The following CDH8 variants were observed in gnomAD, a reference collection of about 807,000 sequenced individuals.
CDH8 encodes the protein cadherin 8.
A neutral mutation model predicts 68.1 loss-of-function variants in CDH8; 17 were observed. The observed-to-expected ratio is 0.25, with a 90% CI of 0.17 to 0.37. CDH8 has a LOEUF of 0.37. CDH8 is among the 10% of genes least tolerant of loss of function. The pLI is 1.00. For missense variants in CDH8, 763 were observed against 999.3 expected (o/e 0.76, Z 3.19); for synonymous variants, 372 against 365.1 (o/e 1.02, Z -0.21).
At position 61,965,425 on chromosome 16, in the gene CDH8, G is replaced by C. The variant is rs151317380; in HGVS notation, c.252+55727C>G. 1.5e-3 allele frequency among the ~76,000 whole-genome samples: 224 copies of C among 152,278 alleles called. 2 individuals are homozygous for C. Among genetic ancestry groups the C allele is most frequent in the African/African-American group, 5.2e-3 (218 of 41,562 alleles). ...CCAACACAGGGCCAGGCGTGGGGCA[G>C]TTATTTCACACATGTTTACTAAATA... On this transcript the variant is annotated intron_variant, in intron 2 of 11. Coordinates refer to ENST00000577390, the MANE Select transcript of CDH8 (RefSeq NM_001796.5).
intron 10 of CDH8, chr16:61,693,573 A>G (rs1472750858): frequency 1.3e-5 from 2 of 152,284 alleles, no homozygotes; most frequent in Non-Finnish European, 2.9e-5. Context: ...TCATAGAGGT[A>G]TTGCATAGTG....
At chr16:61,654,993 T>A (rs567222197) in intron 11 of CDH8, among the ~76,000 whole-genome samples, 3 of 152,338 alleles carry the variant, frequency 2.0e-5, no homozygotes, top group East Asian at 3.9e-4. Context: ...AGAAATGCAA[T>A]GGTATTTTGA....
In CDH8 at chr16:61,713,971, A is replaced by T; in HGVS notation, c.1537-13T>A. ...CAGTTTGAATGACCTGAAACATAAA[A>T]CTTGACGTCAGCATTTCTGATGATT... On this transcript the variant is annotated splice_polypyrimidine_tract_variant and intron_variant, in intron 9 of 11. Coordinates refer to ENST00000577390, the MANE Select transcript of CDH8 (RefSeq NM_001796.5). 1 of 1,461,766 alleles carries T rather than the reference A, an allele frequency of 6.8e-7. No individual in the cohort carries two copies. Among genetic ancestry groups the T allele is most frequent in the Non-Finnish European group, 9.6e-7 (1 of 1,042,282 alleles). The allele number at this position is 1,461,766 out of a possible 1,614,324, so 90.5% of individuals were successfully genotyped here.
intron 9 of CDH8, among the ~76,000 whole-genome samples, chr16:61,714,512 A>C (rs1964687371): frequency 6.6e-6 from 1 of 151,626 alleles, no homozygotes; most frequent in African/African-American, 2.4e-5. Context: ...AGTGGGTAAC[A>C]CATGCAAACA....
intron 8 of CDH8, among the ~76,000 whole-genome samples, chr16:61,733,054 G>A (rs1485545124): frequency 1.3e-5 from 2 of 151,718 alleles, no homozygotes; most frequent in Non-Finnish European, 2.9e-5. Flanking sequence ...ATTATATAAA[G>A]TAATAATTAT....
chr16:61,873,614 C>A (rs559108647), intron 3 of CDH8, among the ~76,000 whole-genome samples: 1 of 152,298 alleles, frequency 6.6e-6, no homozygotes, highest in East Asian at 1.9e-4. Flanking sequence ...GGAAAGCGAT[C>A]TGCAGTCAGT....
intron 10 of CDH8, chr16:61,667,510 A>C (rs1963703269): frequency 6.6e-6 from 1 of 152,004 alleles, no homozygotes; most frequent in South Asian, 2.1e-4. Context: ...TTTTGGAGTG[A>C]AAATGGACAG....
intron 2 of CDH8, among the ~76,000 whole-genome samples, chr16:61,930,564 A>C (rs1964526605): frequency 6.6e-6 from 1 of 152,210 alleles, no homozygotes; most frequent in Non-Finnish European, 1.5e-5. Flanking sequence ...CTGTAGGTTT[A>C]CAACCCTGCA....
intron 2 of CDH8, among the ~76,000 whole-genome samples, chr16:61,914,807 C>A (rs906000965): frequency 2.7e-5 from 4 of 150,798 alleles, no homozygotes; most frequent in Non-Finnish European, 5.9e-5. Flanking sequence ...AGAAGGCTGA[C>A]AAAGCAAGGA....
At chr16:61,689,831 A>G (rs1264243926) in intron 10 of CDH8, among the ~76,000 whole-genome samples, 2 of 150,970 alleles carry the variant, frequency 1.3e-5, no homozygotes, top group Admixed American at 1.3e-4. Flanking sequence ...TTACTAATAC[A>G]TTTTTTTTTC....
intron 2 of CDH8, among the ~76,000 whole-genome samples, chr16:61,922,283 T>C (rs1207521328): frequency 6.6e-6 from 1 of 152,170 alleles, no homozygotes. Context: ...CACTCCTAAA[T>C]ATTTTCCATG....
At chr16:61,888,472 T>C (rs1432230774) in intron 3 of CDH8, among the ~76,000 whole-genome samples, 2 of 152,174 alleles carry the variant, frequency 1.3e-5, no homozygotes, top group African/African-American at 2.4e-5. Context: ...AATAACTCTT[T>C]TGTTATGTAT....
At chr16:61,828,223 C>T (rs1350021232) in intron 4 of CDH8, among the ~76,000 whole-genome samples, 4 of 151,882 alleles carry the variant, frequency 2.6e-5, no homozygotes, top group Non-Finnish European at 5.9e-5. Context: ...GCCACGGCAA[C>T]TTCAGAAAGT....
At chr16:62,007,394 C>T (rs901224334) in intron 2 of CDH8, among the ~76,000 whole-genome samples, 2 of 152,110 alleles carry the variant, frequency 1.3e-5, no homozygotes, top group African/African-American at 4.8e-5. Flanking sequence ...GGTAAAATGG[C>T]CATGATTTAC....
intron 3 of CDH8, among the ~76,000 whole-genome samples, chr16:61,863,232 G>A (rs186478710): frequency 4.5e-4 from 68 of 152,038 alleles, no homozygotes; most frequent in African/African-American, 1.6e-3. Context: ...TGTGCTGCTC[G>A]GATTTTAATT....
At chr16:61,706,695 G>A (rs554885301) in intron 10 of CDH8, among the ~76,000 whole-genome samples, 4 of 149,398 alleles carry the variant, frequency 2.7e-5, no homozygotes, top group East Asian at 2.0e-4. Context: ...GGGCACAGAA[G>A]ACGGAAGAGA....
At chr16:62,035,433 C>T (rs1902432675) in intron 1 of CDH8, among the ~76,000 whole-genome samples, 1 of 152,152 alleles carries the variant, frequency 6.6e-6, no homozygotes, top group Admixed American at 6.5e-5. Context: ...AGGGCAGAGC[C>T]GCAGGGCGAC....
chr16:61,708,521 T>C (rs1323529175), intron 10 of CDH8, among the ~76,000 whole-genome samples: 1 of 152,124 alleles, frequency 6.6e-6, no homozygotes, highest in African/African-American at 2.4e-5. Flanking sequence ...AACTACAAAA[T>C]AACAAGAGTT....
At position 61,972,571 on chromosome 16, in the gene CDH8, G is replaced by GGT. The variant is rs1555525996; in HGVS notation, c.252+48579_252+48580dup. The stretch of plus-strand genomic sequence containing the variant: ...TTTTTTTTTCTGGGAACACATTGTG[G>GGT]GTGTGTGTGTGTGTGTGTGTGTGTG... On this transcript the variant is annotated intron_variant, in intron 2 of 11. Transcript: ENST00000577390. 3.7e-3 allele frequency among the ~76,000 whole-genome samples: 491 copies of GGT among 131,530 alleles called. 2 individuals are homozygous for GGT. The highest frequency in any genetic ancestry group is 5.4e-3 in the Admixed American group (69 of 12,748). 86.3% of individuals were successfully genotyped at this position (131,530 alleles called of 152,430 possible).
Sources: gnomAD v4.1 joint callset for allele counts (sites outside exome capture counted in the v4.1 genomes callset) on GRCh38, gnomAD v4.1.1 for gene constraint, MANE v1.5 for transcripts, NCBI Gene and HGNC (gene_info 2026-07-23, HGNC 2026-07-21) for gene names.